DST: variants seen among roughly 807,000 people sequenced by gnomAD.
The protein encoded by DST is dystonin.
DST carries 253 observed loss-of-function variants against 875.2 expected under a neutral mutation model. The ratio of observed to expected loss-of-function variants is 0.29; its 90% CI spans 0.26 to 0.32. The LOEUF (loss-of-function observed/expected upper bound fraction) is 0.32. DST is among the 10% of genes least tolerant of loss of function. The probability of loss-of-function intolerance (pLI) is 1.00; values close to 1 mark genes in which losing one functional copy is unlikely to be tolerated. For missense variants in DST, 8,287 were observed against 9,111.6 expected (o/e 0.91, Z 3.68); for synonymous variants, 3,124 against 3,197.1 (o/e 0.98, Z 0.77).
chr6:56,874,556 A>G (rs1364722974), intron 3 of DST, among the ~76,000 whole-genome samples: 2 of 152,160 alleles, frequency 1.3e-5, no homozygotes, highest in African/African-American at 4.8e-5. Flanking sequence ...CCCTGCAACA[A>G]TCTTATGAAA....
At chr6:56,872,589 C>A (rs1436673175) in intron 3 of DST, among the ~76,000 whole-genome samples, 1 of 152,048 alleles carries the variant, frequency 6.6e-6, no homozygotes, top group Non-Finnish European at 1.5e-5. Context: ...CAATAAAACT[C>A]TGTGAACAGG....
chr6:56,474,910 G>A (rs894001777), intron 92 of DST, among the ~76,000 whole-genome samples: 1 of 131,738 alleles, frequency 7.6e-6, no homozygotes, highest in Admixed American at 9.4e-5. Flanking sequence ...AGTGAGCCAC[G>A]ACTGTGCCAT....
At chr6:56,849,271 G>C (rs1043957133) in intron 4 of DST, among the ~76,000 whole-genome samples, 2 of 151,214 alleles carry the variant, frequency 1.3e-5, no homozygotes, top group African/African-American at 2.4e-5. Context: ...AGAGTAACTG[G>C]GACTACAGGC....
At chr6:56,803,363 T>C (rs1404748042) in intron 4 of DST, among the ~76,000 whole-genome samples, 1 of 152,228 alleles carries the variant, frequency 6.6e-6, no homozygotes, top group Non-Finnish European at 1.5e-5. Context: ...GTTTTTTTCT[T>C]TCTTAATATC....
At chr6:56,635,033 TTCA>T (rs1404825755) in intron 24 of DST, 80 bp from the exon 25 acceptor site, 2 of 1,225,270 alleles carry the variant, frequency 1.6e-6, no homozygotes, top group African/African-American at 3.0e-5. Flanking sequence ...CAAATTAAAC[TTCA>T]TCAGAAAAGT....
At chr6:56,703,606 TG>T (rs1308039807) in intron 7 of DST, 41 bp downstream of exon 7, 4 of 807,688 alleles carry the variant, frequency 5.0e-6, no homozygotes, top group Non-Finnish European at 6.0e-6. Context: ...GCTCACCGCA[TG>T]GGAACGGCTA....
At position 56,535,269 on chromosome 6, in the gene DST, C is replaced by T; in HGVS notation, c.16794G>A (p.Leu5598=). ...NKKVAQRAAQ[L]QEALLHCGRF... Reference sequence around the variant, plus strand: ...TCCCACAGTGCAGCAAGGCCTCCTGCAGCTGGGCTGCTCGCTGAGCCACCT... The same window carrying T: ...TCCCACAGTGCAGCAAGGCCTCCTGTAGCTGGGCTGCTCGCTGAGCCACCT... Residue 5598 remains leucine (L), a synonymous_variant, in exon 63 of 104, where the codon CTG becomes CTA. Transcript: ENST00000680361. The T allele has an allele frequency of 1.3e-6, 2 of 1,586,648 alleles. No individual in the cohort carries two copies. Among genetic ancestry groups the T allele is most frequent in the Non-Finnish European group, 1.7e-6 (2 of 1,171,986 alleles).
chr6:56,945,587 C>CA (rs2127799843), intron 2 of DST: 1 of 152,142 alleles, frequency 6.6e-6, no homozygotes, highest in Admixed American at 6.5e-5. Flanking sequence ...ACCTAGAGAT[C>CA]AAAAGTGAGG....
intron 3 of DST, among the ~76,000 whole-genome samples, chr6:56,883,808 AT>A (rs1262837888): frequency 6.6e-6 from 1 of 152,098 alleles, no homozygotes; most frequent in Non-Finnish European, 1.5e-5. Flanking sequence ...AATATGAGGG[AT>A]TTTATTTCAT....
Position 56,469,912 on chromosome 6 carries a change from C to T in DST, c.22522G>A (p.Val7508Ile). The T allele has an allele frequency of 6.2e-7, 1 of 1,613,448 alleles. No homozygotes were observed. The highest frequency in any genetic ancestry group is 8.5e-7 in the Non-Finnish European group (1 of 1,179,466). Reference sequence around the variant, plus strand: ...TATTTATTATCACCAATCTGCTCAACTTGAAATCGCTTTGCACATTTACAC... The same window carrying T: ...TATTTATTATCACCAATCTGCTCAATTTGAAATCGCTTTGCACATTTACAC... Reference protein sequence around the residue: ...AKCKCAKRFQVEQIGDNKYRF... With the variant: ...AKCKCAKRFQIEQIGDNKYRF... The change falls in exon 97 of 104, where the codon GTT (valine) becomes ATT (isoleucine). Residue 7508 changes from valine to isoleucine, a missense_variant. Physicochemically the swap from Val to Ile is conservative, Grantham distance 29. This residue lies in a region of DST where 87 missense variants were observed against 209.7 expected (regional missense o/e 0.41). Transcript: ENST00000680361.
At chr6:56,809,820 A>T (rs17751977) in intron 4 of DST, among the ~76,000 whole-genome samples, 25,305 of 152,172 alleles carry the variant, frequency 0.17, 2,349 homozygotes, top group Non-Finnish European at 0.19. Context: ...TTTTAAATAA[A>T]CTTCTTTCTG....
At chr6:56,615,152 T>G in intron 36 of DST, 1 of 1,082,396 alleles carries the variant, frequency 9.2e-7, no homozygotes, top group East Asian at 7.3e-5. Context: ...TTTCAGCGAG[T>G]GCAATTTATC....
intron 86 of DST, among the ~76,000 whole-genome samples, chr6:56,488,235 G>C (rs141175823): frequency 0.018 from 2,668 of 152,228 alleles, 71 homozygotes; most frequent in African/African-American, 0.06. Context: ...AAATGTTATG[G>C]TTGAATACAG....
At position 56,572,386 on chromosome 6, in the gene DST, C is replaced by T. The variant is rs527432964; in HGVS notation, c.13555-120G>A. ...TTCATAATTTCACATAAGAATGAGT[C>T]TGCCTATGGCCAGTATTCTAAATAT... On this transcript the variant is annotated intron_variant, in intron 52 of 103. Coordinates refer to ENST00000680361, the MANE Select transcript of DST (RefSeq NM_001374736.1). 5 of 597,296 alleles carry T rather than the reference C, an allele frequency of 8.4e-6. No individual in the cohort carries two copies. In the Admixed American group the frequency reaches 1.8e-4, roughly 22 times the overall value. The allele number at this position is 597,296 out of a possible 1,614,324, so 37.0% of individuals were successfully genotyped here.
chr6:56,629,331 T>A lies in DST; in HGVS notation c.4394A>T (p.Asp1465Val). The A allele has an allele frequency of 2.5e-6, 4 of 1,613,776 alleles. No individual in the cohort carries two copies. Among genetic ancestry groups the A allele is most frequent in the Non-Finnish European group, 3.4e-6 (4 of 1,179,802 alleles). Residue 1465 changes from aspartate (D) to valine (V), a missense_variant, in exon 32 of 104, where the codon GAC becomes GTC. This residue lies in a region of DST where 3,138 missense variants were observed against 3,116.6 expected (regional missense o/e 1.01). Coordinates refer to ENST00000680361, the MANE Select transcript of DST (RefSeq NM_001374736.1). ...TTCTTTGTGCCAGTCAAAATCAAGGTCCCGTTCTTTATACGTTTTAAACAT... is the reference window on the plus strand; with the variant it reads ...TTCTTTGTGCCAGTCAAAATCAAGGACCCGTTCTTTATACGTTTTAAACAT... Reference protein sequence around the residue: ...DEMFKTYKERDLDFDWHKEKA... With the variant: ...DEMFKTYKERVLDFDWHKEKA...
intron 4 of DST, among the ~76,000 whole-genome samples, chr6:56,749,566 A>G (rs1016075175): frequency 6.6e-6 from 1 of 152,202 alleles, no homozygotes; most frequent in Non-Finnish European, 1.5e-5. Flanking sequence ...TTTTTCATGA[A>G]AAAAAGTGAT....
At chr6:56,674,320 C>CG (rs778074513) in intron 9 of DST, among the ~76,000 whole-genome samples, 1 of 150,884 alleles carries the variant, frequency 6.6e-6, no homozygotes, top group Non-Finnish European at 1.5e-5. Context: ...TTTTTTAAGA[C>CG]GGAGTCTCAC....
At chr6:56,611,847 T>C (rs1341063767) in intron 37 of DST, among the ~76,000 whole-genome samples, 1 of 152,166 alleles carries the variant, frequency 6.6e-6, no homozygotes, top group Non-Finnish European at 1.5e-5. Flanking sequence ...ACATTATACG[T>C]TTCCTGCATC....
At chr6:56,812,702 T>C (rs2099761870) in intron 4 of DST, among the ~76,000 whole-genome samples, 1 of 152,196 alleles carries the variant, frequency 6.6e-6, no homozygotes, top group Admixed American at 6.5e-5. Flanking sequence ...TATACTACCA[T>C]ATTACAACCC....
Sources: gnomAD v4.1 joint callset for allele counts (sites outside exome capture counted in the v4.1 genomes callset) on GRCh38, gnomAD v4.1.1 for gene constraint, gnomAD v4.1.1 regional missense constraint, MANE v1.5 for transcripts, NCBI Gene and HGNC (gene_info 2026-07-23, HGNC 2026-07-21) for gene names.